Variants in ABR observed in about 807,000 individuals in gnomAD.
ABR encodes the protein active breakpoint cluster region-related protein.
ABR carries 35 observed loss-of-function variants against 107.2 expected under a neutral mutation model. The ratio of observed to expected loss-of-function variants is 0.33; its 90% CI spans 0.25 to 0.43. The LOEUF is 0.43. Ranked by LOEUF, ABR falls within the 20% of genes least tolerant of loss-of-function variation. The probability of loss-of-function intolerance (pLI) is 1.00; values close to 1 mark genes in which losing one functional copy is unlikely to be tolerated. For synonymous variants in ABR, 498 were observed against 462.0 expected (o/e 1.08, Z -1.00); for missense variants, 815 against 1,115.2 (o/e 0.73, Z 3.83).
At chr17:1,042,656 G>A (rs992571044) in intron 16 of ABR, among the ~76,000 whole-genome samples, 8 of 149,944 alleles carry the variant, frequency 5.3e-5, no homozygotes, top group Non-Finnish European at 1.2e-4. Context: ...ACAAACAGAC[G>A]TGGCACCTAC....
At chr17:1,186,835 C>T (rs925872303) in exon 1 of ABR, 5 of 152,378 alleles carry the variant, frequency 3.3e-5, no homozygotes, top group African/African-American at 1.2e-4. Flanking sequence ...AAGACGCCAG[C>T]AGAAGAGTCC....
chr17:1,207,801 G>A (rs975737234), intron 1 of ABR, among the ~76,000 whole-genome samples: 10 of 151,564 alleles, frequency 6.6e-5, no homozygotes, highest in Non-Finnish European at 5.9e-5. Context: ...ACAGAGTCTC[G>A]CTCTGTTGCC....
At chr17:1,108,199 A>G (rs2038389054) in intron 2 of ABR, among the ~76,000 whole-genome samples, 1 of 152,250 alleles carries the variant, frequency 6.6e-6, no homozygotes. Context: ...CCAGGAGAGA[A>G]AAAGGAAGAC....
Position 1,011,305 on chromosome 17 carries a change from C to T in ABR, c.2102-442G>A, listed in dbSNP as rs183549948. ...GCCGGCCAGTTCCCAGGCCCCACCC[C>T]GTCCTCCACTCCAGGCTCCCCACGG... On this transcript the variant is annotated intron_variant, in intron 19 of 22. Coordinates refer to ENST00000302538, the MANE Select transcript of ABR (RefSeq NM_021962.5). This position sits in a 1 kb window ranked among gnomAD's most constrained non-coding sequence, Gnocchi z 4.8. The T allele has an allele frequency of 9.2e-5, 17 of 185,332 alleles. No individual in the cohort carries two copies. Among genetic ancestry groups the T allele is most frequent in the Admixed American group, 6.1e-4 (11 of 17,906 alleles). 11.5% of individuals were successfully genotyped at this position (185,332 alleles called of 1,614,324 possible).
At chr17:1,012,131 A>G in intron 18 of ABR, 146 bp from the exon 19 acceptor site, 3 of 1,282,386 alleles carry the variant, frequency 2.3e-6, no homozygotes, top group Non-Finnish European at 3.3e-6. Context: ...GCAGAGAAAG[A>G]GGCCACCGCA....
At chr17:1,171,577 C>G (rs1438068081) in intron 1 of ABR, among the ~76,000 whole-genome samples, 3 of 152,150 alleles carry the variant, frequency 2.0e-5, no homozygotes, top group African/African-American at 7.2e-5. Context: ...ATCACGTGTG[C>G]CATGTCCACC....
intron 2 of ABR, among the ~76,000 whole-genome samples, chr17:1,106,702 G>T (rs901821957): frequency 1.3e-5 from 2 of 151,972 alleles, no homozygotes; most frequent in Non-Finnish European, 2.9e-5. Context: ...GCTAATTTTT[G>T]TATTTTTAGT....
Position 1,011,181 on chromosome 17 carries a change from C to A in ABR, c.2102-318G>T. The A allele has an allele frequency of 2.8e-6, 1 of 363,430 alleles. No homozygotes were observed. The highest frequency in any genetic ancestry group is 5.2e-6 in the Non-Finnish European group (1 of 192,510). The allele number at this position is 363,430 out of a possible 1,614,324, so 22.5% of individuals were successfully genotyped here. ...CAGCTTCCTTCCGACTGGAACCTCT[C>A]CATCGCTAAGCCCCTCTCTGGAAGG... On this transcript the variant is annotated intron_variant, in intron 19 of 22. Coordinates refer to ENST00000302538, the MANE Select transcript of ABR (RefSeq NM_021962.5). This position sits in a 1 kb window ranked among gnomAD's most constrained non-coding sequence, Gnocchi z 4.8.
intron 1 of ABR, among the ~76,000 whole-genome samples, chr17:1,220,087 C>T (rs925845603): frequency 6.6e-6 from 1 of 151,660 alleles, no homozygotes; most frequent in East Asian, 1.9e-4. Flanking sequence ...GTCAGGAGAT[C>T]GACACCAGCC....
At chr17:1,093,272 A>C (rs1422231054) in intron 3 of ABR, among the ~76,000 whole-genome samples, 1 of 151,888 alleles carries the variant, frequency 6.6e-6, no homozygotes, top group Non-Finnish European at 1.5e-5. Flanking sequence ...AGTTCGAGAC[A>C]AGTCTGACCA....
chr17:1,055,081 C>G (rs966305602), intron 14 of ABR, among the ~76,000 whole-genome samples: 1 of 152,120 alleles, frequency 6.6e-6, no homozygotes, highest in Non-Finnish European at 1.5e-5. Context: ...AGATAAAAAG[C>G]GCAACCAGGC....
intron 6 of ABR, among the ~76,000 whole-genome samples, chr17:1,076,873 CCT>C (rs886661657): frequency 2.0e-5 from 3 of 152,178 alleles, no homozygotes; most frequent in South Asian, 2.1e-4. Context: ...TGGCCCTTCC[CCT>C]GTCCCTGGGC....
chr17:1,045,215 T>TA (rs1332749691), intron 16 of ABR, among the ~76,000 whole-genome samples: 3 of 152,240 alleles, frequency 2.0e-5, no homozygotes, highest in African/African-American at 7.2e-5. Flanking sequence ...CTTTTGGAAT[T>TA]AAAAAACCCA....
At chr17:1,009,618 TCC>T in intron 21 of ABR, 59 bp downstream of exon 21, 1 of 1,503,068 alleles carries the variant, frequency 6.7e-7, no homozygotes. Flanking sequence ...TTGGGGCCCC[TCC>T]CCGTTACCTT....
chr17:1,167,699 G>A lies in ABR; in HGVS notation c.61+11968C>T, dbSNP rs115031321. On this transcript the variant is annotated intron_variant, in intron 1 of 22. Transcript: ENST00000302538. Reference sequence around the variant, plus strand: ...ATGGCTAAGAACTCAGCAGGTTGCCGGAGGCTAAATGAGATACTGTTAGCA... The same window carrying A: ...ATGGCTAAGAACTCAGCAGGTTGCCAGAGGCTAAATGAGATACTGTTAGCA... Among the ~76,000 whole-genome samples the A allele has an allele frequency of 8.5e-3, 1,298 of 152,348 alleles. 18 individuals carry two copies. The highest frequency in any genetic ancestry group is 0.03 in the African/African-American group (1,235 of 41,568).
chr17:1,029,516 G>A (rs913375233), intron 16 of ABR, among the ~76,000 whole-genome samples: 11 of 152,098 alleles, frequency 7.2e-5, no homozygotes, highest in East Asian at 1.9e-4. Flanking sequence ...GAGGGCCACC[G>A]GTGTTTCTCG....
intron 16 of ABR, among the ~76,000 whole-genome samples, chr17:1,039,063 C>T (rs1168117983): frequency 6.6e-6 from 1 of 152,210 alleles, no homozygotes; most frequent in African/African-American, 2.4e-5. Context: ...GGTCCCGTGC[C>T]TCTGAGTCTG....
chr17:1,135,377 C>CTTTTTTTTTTTTTTT (rs71148437), intron 1 of ABR, among the ~76,000 whole-genome samples: 1 of 51,380 alleles, frequency 1.9e-5, no homozygotes, highest in African/African-American at 4.3e-5. Context: ...TTCTTTTTGT[C>CTTTTTTTTTTTTTTT]TTTTTTTTTT....
chr17:1,031,902 G>A (rs1364062365), intron 16 of ABR: 62 of 1,028,666 alleles, frequency 6.0e-5, no homozygotes, highest in Admixed American at 7.3e-5. Context: ...CTCCGTCCGC[G>A]TCCCTCCTCC....
Sources: gnomAD v4.1 joint callset for allele counts (sites outside exome capture counted in the v4.1 genomes callset) on GRCh38, gnomAD v4.1.1 for gene constraint, Gnocchi (gnomAD v3.1) non-coding constraint, MANE v1.5 for transcripts, NCBI Gene and HGNC (gene_info 2026-07-23, HGNC 2026-07-21) for gene names.